The following CMTM2 variants were observed in gnomAD, a reference collection of about 807,000 sequenced individuals.
CMTM2 encodes the protein CKLF-like MARVEL transmembrane domain-containing protein 2.
CMTM2 carries 15 observed loss-of-function variants against 16.8 expected under a neutral mutation model. The observed-to-expected ratio is 0.89, with a 90% confidence interval of 0.60 to 1.37. The LOEUF (loss-of-function observed/expected upper bound fraction) is 1.37, where lower values mean the gene tolerates loss of function less well. Ranked by LOEUF, CMTM2 falls within the 40% of genes most tolerant of loss-of-function variation. The pLI, the probability that CMTM2 is intolerant of heterozygous loss-of-function variation, is 0.00. For missense variants in CMTM2, 282 were observed against 318.0 expected (o/e 0.89, Z 0.86); for synonymous variants, 117 against 118.7 (o/e 0.99, Z 0.09).
chr16:66,585,166 G>A (rs1163817769), intron 2 of CMTM2, among the ~76,000 whole-genome samples: 2 of 152,044 alleles, frequency 1.3e-5, no homozygotes, highest in Non-Finnish European at 2.9e-5. Flanking sequence ...GGCTGGTCTC[G>A]AACTCCCAAC....
In CMTM2 at chr16:66,580,189, G is replaced by A. The variant is rs1023671203; in HGVS notation, c.444+5G>A. 3 of 1,613,974 alleles carry A rather than the reference G, an allele frequency of 1.9e-6. No homozygotes were observed. Among genetic ancestry groups the A allele is most frequent in the African/African-American group, 2.7e-5 (2 of 74,924 alleles). On this transcript the variant is annotated splice_donor_5th_base_variant and intron_variant, in intron 2 of 3. Transcript: ENST00000268595. ...TTCATCCTGTGGCCCATTTCTGTAA[G>A]TAAGGGGTGATGGGGAGTGCCTGCA...
intron 2 of CMTM2, among the ~76,000 whole-genome samples, chr16:66,586,635 T>G (rs1265834104): frequency 6.6e-6 from 1 of 151,962 alleles, no homozygotes; most frequent in Non-Finnish European, 1.5e-5. Flanking sequence ...ATAATCGGAG[T>G]AAGACCCTGT....
chr16:66,585,951 A>C (rs1267958143), intron 2 of CMTM2, among the ~76,000 whole-genome samples: 4 of 152,210 alleles, frequency 2.6e-5, no homozygotes, highest in African/African-American at 9.6e-5. Flanking sequence ...TTCTCACCCC[A>C]TCCTCTAGGC....
chr16:66,586,995 A>G lies in CMTM2; in HGVS notation c.445-2A>G. 6.2e-7 allele frequency: 1 copy of G among 1,613,306 alleles called. No homozygotes were observed. Among genetic ancestry groups the G allele is most frequent in the Non-Finnish European group, 8.5e-7 (1 of 1,179,266 alleles). On this transcript the variant is annotated splice_acceptor_variant, in intron 2 of 3. Coordinates refer to ENST00000268595, the MANE Select transcript of CMTM2 (RefSeq NM_144673.3). LOFTEE classifies it high-confidence loss of function. ...GAGGCTGACTAACCTCTCCACCTTC[A>G]GGACCTCTTCAACGACCTGATTGCT...
Position 66,580,174 on chromosome 16 carries a change from G to T in CMTM2, c.434G>T (p.Trp145Leu). ...AIHRYIPFIL[W>L]PISDLFNDLI... is the part of the protein sequence containing the mutation. ...CATAGATACATACCCTTCATCCTGTGGCCCATTTCTGTAAGTAAGGGGTGA... is the reference window on the plus strand; with the variant it reads ...CATAGATACATACCCTTCATCCTGTTGCCCATTTCTGTAAGTAAGGGGTGA... The change falls in exon 2 of 4, where the codon TGG becomes TTG. Residue 145 changes from tryptophan to leucine, a missense_variant. Transcript: ENST00000268595. The T allele has an allele frequency of 3.7e-6, 6 of 1,614,058 alleles. No homozygotes were observed. Among genetic ancestry groups the T allele is most frequent in the Non-Finnish European group, 5.1e-6 (6 of 1,179,992 alleles).
chr16:66,582,953 A>G (rs1328610869), intron 2 of CMTM2, among the ~76,000 whole-genome samples: 1 of 152,238 alleles, frequency 6.6e-6, no homozygotes, highest in East Asian at 1.9e-4. Context: ...ACACTTCAGG[A>G]GCATTTCCTT....
intron 2 of CMTM2, among the ~76,000 whole-genome samples, chr16:66,584,947 T>A (rs1399904735): frequency 3.0e-5 from 4 of 135,154 alleles, no homozygotes; most frequent in Non-Finnish European, 6.3e-5. Flanking sequence ...AAAAACAATT[T>A]TTTTTTTTTT....
chr16:66,588,168 T>C lies in CMTM2; in HGVS notation c.*49T>C, dbSNP rs771794470. 39 of 1,529,726 alleles carry C rather than the reference T, an allele frequency of 2.5e-5. No homozygotes were observed. The highest frequency in any genetic ancestry group is 3.3e-5 in the Non-Finnish European group (37 of 1,109,486). 94.8% of individuals were successfully genotyped at this position (1,529,726 alleles called of 1,614,324 possible). A position where few individuals can be genotyped will look rare whatever the true frequency, so the allele number is the denominator to read the frequency against. ...GAAACGGCAGTGTATTTTACAGCAA[T>C]ATGTTTCCACTCTCTTCCTTGTCTT... On this transcript the variant is annotated 3_prime_UTR_variant, in exon 4 of 4. Coordinates refer to ENST00000268595, the MANE Select transcript of CMTM2 (RefSeq NM_144673.3).
intron 2 of CMTM2, chr16:66,580,528 AG>A: frequency 3.6e-6 from 1 of 276,408 alleles, no homozygotes; most frequent in Non-Finnish European, 6.9e-6. Flanking sequence ...ACTTGACAGG[AG>A]ATCACCCCAG....
In CMTM2 at chr16:66,579,771, C is replaced by G; in HGVS notation, c.164C>G (p.Ala55Gly). The change falls in exon 1 of 4, where the codon GCG (alanine) becomes GGG (glycine). Residue 55 changes from alanine (A) to glycine (G), a missense_variant. Transcript: ENST00000268595. This position sits in a 1 kb window ranked among gnomAD's most constrained non-coding sequence, Gnocchi z 6.5. ...HKEPSDKPQK[A>G]VQPKHEVGTR... ...GAGCCATCGGACAAACCTCAAAAGG[C>G]GGTGCAGCCCAAGCACGAAGTGGGC... The G allele has an allele frequency of 1.2e-6, 2 of 1,614,110 alleles. No individual in the cohort carries two copies. Among genetic ancestry groups the G allele is most frequent in the Non-Finnish European group, 1.7e-6 (2 of 1,180,044 alleles).
intron 3 of CMTM2, 42 bp from the exon 4 acceptor site, chr16:66,587,877 G>A (rs369117088): frequency 4.5e-5 from 72 of 1,602,416 alleles, no homozygotes; most frequent in Non-Finnish European, 6.1e-5. Flanking sequence ...CACCACCTTT[G>A]GAATGAAAAG....
At chr16:66,580,937 C>A (rs1028091494) in intron 2 of CMTM2, among the ~76,000 whole-genome samples, 1 of 152,130 alleles carries the variant, frequency 6.6e-6, no homozygotes, top group Non-Finnish European at 1.5e-5. Context: ...CAATGAAGAC[C>A]CCAATTCCCA....
chr16:66,582,961 C>A (rs1389973430), intron 2 of CMTM2, among the ~76,000 whole-genome samples: 4 of 152,184 alleles, frequency 2.6e-5, no homozygotes, highest in Admixed American at 2.6e-4. Context: ...GGAGCATTTC[C>A]TTAGAGATGC....
rs148637453 is a variant in CMTM2 at position 66,579,675 on chromosome 16, A to G, written c.68A>G (p.Lys23Arg). Residue 23 changes from lysine to arginine, a missense_variant, in exon 1 of 4, where the codon AAA becomes AGA. Coordinates refer to ENST00000268595, the MANE Select transcript of CMTM2 (RefSeq NM_144673.3). This position sits in a 1 kb window ranked among gnomAD's most constrained non-coding sequence, Gnocchi z 6.5. Reference sequence around the variant, plus strand: ...CCAGCTCCACCTCCACCCGGGGCCAAACCCGAGGAAGACAAGAAGGACGGT... The same window carrying G: ...CCAGCTCCACCTCCACCCGGGGCCAGACCCGAGGAAGACAAGAAGGACGGT... Reference protein sequence around the residue: ...PAPAPPPPGAKPEEDKKDGKE... With the variant: ...PAPAPPPPGARPEEDKKDGKE... 3 of 1,613,980 alleles carry G rather than the reference A, an allele frequency of 1.9e-6. No individual in the cohort carries two copies. The African/African-American group carries it at 4.0e-5, about 22-fold the overall frequency.
chr16:66,582,524 G>A (rs1419039443), intron 2 of CMTM2, among the ~76,000 whole-genome samples: 2 of 152,112 alleles, frequency 1.3e-5, no homozygotes, highest in Non-Finnish European at 2.9e-5. Context: ...AACATAGGGA[G>A]ACCCTGTCTC....
chr16:66,585,774 G>A (rs2014785961), intron 2 of CMTM2, among the ~76,000 whole-genome samples: 1 of 152,182 alleles, frequency 6.6e-6, no homozygotes, highest in Non-Finnish European at 1.5e-5. Context: ...GGGAGTCGGG[G>A]ATAGGATGTT....
At chr16:66,580,427 G>A (rs2014711946) in intron 2 of CMTM2, 1 of 518,992 alleles carries the variant, frequency 1.9e-6, no homozygotes, top group South Asian at 2.4e-5. Flanking sequence ...TTACTTACCT[G>A]GTGGTCAAAG....
Position 66,586,978 on chromosome 16 carries a change from C to T in CMTM2, c.445-19C>T, listed in dbSNP as rs1191182901. 2.5e-6 allele frequency: 4 copies of T among 1,598,836 alleles called. No homozygotes were observed. The Admixed American group carries it at 5.0e-5, about 20-fold the overall frequency. On this transcript the variant is annotated intron_variant, in intron 2 of 3. Transcript: ENST00000268595. ...GGACCCTGGCTTTGGCTGAGGCTGA[C>T]TAACCTCTCCACCTTCAGGACCTCT... is the stretch of plus-strand genomic sequence containing the variant.
At chr16:66,587,493 G>T (rs957071842) in intron 3 of CMTM2, among the ~76,000 whole-genome samples, 2 of 152,088 alleles carry the variant, frequency 1.3e-5, no homozygotes, top group Non-Finnish European at 2.9e-5. Flanking sequence ...GGAGGCAGAG[G>T]TTGCAGCGAG....
Sources: allele counts gnomAD v4.1 joint callset (sites outside exome capture counted in the v4.1 genomes callset), GRCh38; gene constraint gnomAD v4.1.1; non-coding constraint Gnocchi (gnomAD v3.1); transcripts MANE v1.5; gene names NCBI Gene and HGNC (gene_info 2026-07-23, HGNC 2026-07-21).